Variants in TENM2 observed in about 807,000 individuals in gnomAD.
The protein encoded by TENM2 is teneurin-2.
TENM2 carries 52 observed loss-of-function variants against 245.2 expected under a neutral mutation model. That is an observed-to-expected ratio of 0.21 (90% CI 0.17 to 0.27). TENM2 has a LOEUF of 0.27. TENM2 is among the 10% of genes least tolerant of loss of function. The probability of loss-of-function intolerance (pLI) is 1.00; values close to 1 mark genes in which losing one functional copy is unlikely to be tolerated. For missense variants in TENM2, 3,046 were observed against 3,666.8 expected (o/e 0.83, Z 4.37); for synonymous variants, 1,363 against 1,438.9 (o/e 0.95, Z 1.19).
the TENM2 span, among the ~76,000 whole-genome samples, chr5:167,179,339 G>A: frequency 3.3e-5 from 5 of 152,200 alleles, no homozygotes; most frequent in African/African-American, 1.2e-4. Context: ...GTACTAACGG[G>A]ATGAGAGAGA....
chr5:168,147,501 T>C (rs1050834764), intron 12 of TENM2, among the ~76,000 whole-genome samples: 4 of 152,194 alleles, frequency 2.6e-5, no homozygotes, highest in African/African-American at 7.2e-5. Flanking sequence ...CCTATGACAC[T>C]ATACATAGAA....
chr5:167,339,469 C>T (rs756395789), intron 1 of TENM2, among the ~76,000 whole-genome samples: 19 of 152,046 alleles, frequency 1.2e-4, no homozygotes, highest in Non-Finnish European at 2.5e-4. Flanking sequence ...GTTGTTTAAC[C>T]ATACTCATAG....
chr5:167,782,313 C>CAAAAAAAAAAAAAAAAAAAAAAAAA (rs767675565), intron 2 of TENM2, among the ~76,000 whole-genome samples: 2 of 58,768 alleles, frequency 3.4e-5, no homozygotes, highest in Non-Finnish European at 3.3e-5. Flanking sequence ...AACTCTGTCT[C>CAAAAAAAAAAAAAAAAAAAAAAAAA]AAAAAAAAAA....
intron 2 of TENM2, among the ~76,000 whole-genome samples, chr5:167,445,161 A>G (rs1211708297): frequency 1.3e-5 from 2 of 152,004 alleles, no homozygotes; most frequent in African/African-American, 4.8e-5. Flanking sequence ...TGATATCCCT[A>G]CATTTCCCCA....
At chr5:167,197,712 C>A in the TENM2 span, among the ~76,000 whole-genome samples, 2 of 151,866 alleles carry the variant, frequency 1.3e-5, no homozygotes, top group African/African-American at 4.8e-5. Context: ...AATAAGGCAG[C>A]CTCAACCTCA....
intron 2 of TENM2, among the ~76,000 whole-genome samples, chr5:167,741,817 T>G (rs1454394974): frequency 6.6e-6 from 1 of 152,304 alleles, no homozygotes; most frequent in Non-Finnish European, 1.5e-5. Context: ...AAAGGAGCTG[T>G]GCCACTTTTT....
intron 14 of TENM2, among the ~76,000 whole-genome samples, chr5:168,193,167 C>T (rs1371805468): frequency 1.3e-5 from 2 of 152,204 alleles, no homozygotes; most frequent in African/African-American, 4.8e-5. Flanking sequence ...TGAGCCCAGG[C>T]TCTCCGGCTG....
At chr5:167,417,426 A>C (rs1403435540) in intron 2 of TENM2, among the ~76,000 whole-genome samples, 1 of 152,118 alleles carries the variant, frequency 6.6e-6, no homozygotes, top group Non-Finnish European at 1.5e-5. Context: ...TGGATCTCTT[A>C]AATTTTTATT....
intron 1 of TENM2, among the ~76,000 whole-genome samples, chr5:167,341,076 C>T (rs1269058150): frequency 6.6e-6 from 1 of 152,030 alleles, no homozygotes; most frequent in African/African-American, 2.4e-5. Flanking sequence ...AGAGGCCAAC[C>T]CTGAAGATGG....
intron 2 of TENM2, among the ~76,000 whole-genome samples, chr5:167,443,480 G>A (rs1764980412): frequency 6.6e-6 from 1 of 152,112 alleles, no homozygotes; most frequent in African/African-American, 2.4e-5. Flanking sequence ...TGCAGAAAAG[G>A]GTTACTGATC....
chr5:168,151,809 C>T (rs1391970282), intron 12 of TENM2, among the ~76,000 whole-genome samples: 1 of 152,246 alleles, frequency 6.6e-6, no homozygotes, highest in Non-Finnish European at 1.5e-5. Context: ...CACCCTCTTT[C>T]TTGCCCTTGG....
chr5:167,478,284 T>C (rs1396238564), intron 2 of TENM2, among the ~76,000 whole-genome samples: 1 of 152,218 alleles, frequency 6.6e-6, no homozygotes, highest in Non-Finnish European at 1.5e-5. Flanking sequence ...TGCTTTTACA[T>C]AGAAGAGTAC....
chr5:168,244,770 C>T lies in TENM2; in HGVS notation c.5817+54C>T, dbSNP rs1319418188. ...GGGCTTTCTGTTATTTCTGTTATTC[C>T]GGCTTCTTTTTTTTTTTGAGACAGA... On this transcript the variant is annotated intron_variant, in intron 26 of 28. Transcript: ENST00000518659. The surrounding 1 kb of genome is among the most constrained non-coding windows in gnomAD (Gnocchi z 4.9). 1.6e-5 allele frequency: 21 copies of T among 1,350,530 alleles called. No homozygotes were observed. Among genetic ancestry groups the T allele is most frequent in the East Asian group, 8.1e-5 (3 of 37,084 alleles). 83.7% of individuals were successfully genotyped at this position (1,350,530 alleles called of 1,614,324 possible).
At chr5:168,258,719 AG>A (rs1460130418) in intron 27 of TENM2, among the ~76,000 whole-genome samples, 2 of 152,132 alleles carry the variant, frequency 1.3e-5, no homozygotes, top group Non-Finnish European at 2.9e-5. Context: ...AGTTTGTGGG[AG>A]GGGTAATGCA....
intron 2 of TENM2, among the ~76,000 whole-genome samples, chr5:167,853,524 A>T (rs890289055): frequency 6.6e-6 from 1 of 152,026 alleles, no homozygotes; most frequent in African/African-American, 2.4e-5. Context: ...CACTCATAAC[A>T]TACTTTCAAG....
intron 2 of TENM2, among the ~76,000 whole-genome samples, chr5:167,769,650 C>T (rs1763271731): frequency 6.6e-6 from 1 of 152,120 alleles, no homozygotes; most frequent in Admixed American, 6.5e-5. Context: ...GTAAAAGGCT[C>T]CTTCAACTTC....
chr5:168,100,136 T>C (rs527273666), intron 9 of TENM2, among the ~76,000 whole-genome samples: 2 of 152,318 alleles, frequency 1.3e-5, no homozygotes, highest in African/African-American at 2.4e-5. Flanking sequence ...GCTGAGACGA[T>C]GGGGTTTTCC....
intron 2 of TENM2, among the ~76,000 whole-genome samples, chr5:167,715,210 G>A (rs902330451): frequency 1.0e-4 from 15 of 150,652 alleles, no homozygotes; most frequent in Admixed American, 2.6e-4. Context: ...TCCCAAGAGG[G>A]AAGCTGTGTT....
chr5:168,150,029 C>G (rs1422569038), intron 12 of TENM2, among the ~76,000 whole-genome samples: 1 of 152,140 alleles, frequency 6.6e-6, no homozygotes. Flanking sequence ...ACCTCCATCA[C>G]ACACAACCCC....
Sources: gnomAD v4.1 joint callset for allele counts (sites outside exome capture counted in the v4.1 genomes callset) on GRCh38, gnomAD v4.1.1 for gene constraint, Gnocchi (gnomAD v3.1) non-coding constraint, MANE v1.5 for transcripts, NCBI Gene and HGNC (gene_info 2026-07-23, HGNC 2026-07-21) for gene names.